The following HIRA variants were observed in gnomAD, a reference collection of about 807,000 sequenced individuals.
The protein encoded by HIRA is protein HIRA.
In HIRA, 13 loss-of-function variants were observed where a neutral mutation model predicts 126.6. The ratio of observed to expected loss-of-function variants is 0.10; its 90% confidence interval spans 0.07 to 0.16. HIRA has a LOEUF of 0.16. Ranked by LOEUF, HIRA falls within the 10% of genes least tolerant of loss-of-function variation. HIRA has a pLI of 1.00. For missense variants in HIRA, 834 were observed against 1,314.4 expected (o/e 0.63, Z 5.65); for synonymous variants, 511 against 520.0 (o/e 0.98, Z 0.24).
chr22:19,410,736 T>G lies in HIRA; in HGVS notation c.80A>C (p.Lys27Thr). ...FSVDIHPDGT[K>T]FATGGQGQDS... ...CATACCTTGTCCTCCAGTTGCGAAC[T>G]TGGTCCCGTCAGGGTGAATATCAAC... The change falls in exon 2 of 25, where the codon AAG (lysine) becomes ACG (threonine). Residue 27 changes from lysine to threonine, a missense_variant. Around this residue, in one of 5 missense-constraint regions of HIRA, gnomAD observed 102 missense variants for 191.4 expected, o/e 0.53. Transcript: ENST00000263208. 6.2e-7 allele frequency: 1 copy of G among 1,614,036 alleles called. No individual in the cohort carries two copies. Among genetic ancestry groups the G allele is most frequent in the Non-Finnish European group, 8.5e-7 (1 of 1,179,942 alleles).
At chr22:19,396,722 CACAG>C in intron 7 of HIRA, 61 bp downstream of exon 7, 1 of 1,560,210 alleles carries the variant, frequency 6.4e-7, no homozygotes, top group Non-Finnish European at 8.8e-7. Context: ...CCTCTCTGTA[CACAG>C]AAGTCAGGAA....
At chr22:19,394,594 A>G in intron 7 of HIRA, 85 bp from the exon 8 acceptor site, 1 of 1,355,362 alleles carries the variant, frequency 7.4e-7, no homozygotes, top group South Asian at 1.3e-5. Context: ...TTAAACTTCA[A>G]TTTATAAATG....
intron 13 of HIRA, among the ~76,000 whole-genome samples, chr22:19,380,840 T>C (rs2089066479): frequency 6.6e-6 from 1 of 152,204 alleles, no homozygotes; most frequent in East Asian, 1.9e-4. Flanking sequence ...GCCAGGCTGG[T>C]CTCAAACTCG....
chr22:19,427,817 G>A (rs1351808553), intron 1 of HIRA, among the ~76,000 whole-genome samples: 1 of 152,180 alleles, frequency 6.6e-6, no homozygotes, highest in Non-Finnish European at 1.5e-5. Flanking sequence ...ATCTCAACGA[G>A]ATTTTCTAAA....
rs147510996 is a variant in HIRA at position 19,378,655 on chromosome 22, A to G, written c.1416-589T>C. 5.7e-4 allele frequency among the ~76,000 whole-genome samples: 87 copies of G among 152,360 alleles called. 2 individuals are homozygous for G. The East Asian group carries it at 0.016, about 27-fold the overall frequency. On this transcript the variant is annotated intron_variant, in intron 13 of 24. Coordinates refer to ENST00000263208, the MANE Select transcript of HIRA (RefSeq NM_003325.4). Reference sequence around the variant, plus strand: ...GCCTCCAGTCATGTCTGCAAAATACAAAGTGCCAGGACTCTCCCCATGGGG... The same window carrying G: ...GCCTCCAGTCATGTCTGCAAAATACGAAGTGCCAGGACTCTCCCCATGGGG...
At chr22:19,369,119 G>C (rs562788735) in intron 15 of HIRA, among the ~76,000 whole-genome samples, 21 of 150,014 alleles carry the variant, frequency 1.4e-4, no homozygotes, top group African/African-American at 5.1e-4. Flanking sequence ...CTTACAAATG[G>C]GCTCCATCCT....
chr22:19,389,467 G>A (rs1055240863), intron 9 of HIRA, among the ~76,000 whole-genome samples: 1 of 152,152 alleles, frequency 6.6e-6, no homozygotes, highest in Non-Finnish European at 1.5e-5. Flanking sequence ...GCAGCTTCTG[G>A]GAGGCTGTGG....
chr22:19,420,462 C>CAAAAAAA (rs760003741), intron 1 of HIRA, among the ~76,000 whole-genome samples: 45 of 63,504 alleles, frequency 7.1e-4, no homozygotes, highest in Middle Eastern at 8.1e-3. Context: ...AAAACTGTCT[C>CAAAAAAA]AAAAAAAAAA....
intron 15 of HIRA, among the ~76,000 whole-genome samples, chr22:19,374,916 G>A (rs956446371): frequency 6.6e-6 from 1 of 152,174 alleles, no homozygotes; most frequent in Non-Finnish European, 1.5e-5. Flanking sequence ...TCCTCTCCTA[G>A]GCTCTGACTC....
chr22:19,425,259 C>T (rs1414673893), intron 1 of HIRA, among the ~76,000 whole-genome samples: 1 of 152,268 alleles, frequency 6.6e-6, no homozygotes, highest in Admixed American at 6.5e-5. Flanking sequence ...CACAATCCCA[C>T]TCACTTCTAG....
At chr22:19,389,995 G>GA (rs66853562) in intron 9 of HIRA, among the ~76,000 whole-genome samples, 29,895 of 142,248 alleles carry the variant, frequency 0.21, 3,527 homozygotes, top group Non-Finnish European at 0.27. Flanking sequence ...TTTACAAAAT[G>GA]AAAAAAAAAA....
chr22:19,413,712 C>T (rs532237522), intron 1 of HIRA, among the ~76,000 whole-genome samples: 5 of 152,100 alleles, frequency 3.3e-5, no homozygotes, highest in East Asian at 3.9e-4. Flanking sequence ...CCCAGGTTCA[C>T]GCCATTCTCC....
intron 13 of HIRA, among the ~76,000 whole-genome samples, chr22:19,379,546 A>G (rs1173196739): frequency 1.3e-5 from 2 of 150,238 alleles, no homozygotes; most frequent in African/African-American, 4.9e-5. Context: ...AATCTCTTGA[A>G]CCAGGGAGGC....
intron 9 of HIRA, among the ~76,000 whole-genome samples, chr22:19,390,984 C>T (rs1450521368): frequency 6.6e-6 from 1 of 151,334 alleles, no homozygotes; most frequent in Non-Finnish European, 1.5e-5. Context: ...TTTTAGAACT[C>T]TACTCATAGG....
intron 24 of HIRA, among the ~76,000 whole-genome samples, chr22:19,349,609 AT>A (rs370711402): frequency 6.6e-6 from 1 of 152,190 alleles, no homozygotes; most frequent in Non-Finnish European, 1.5e-5. Flanking sequence ...TTTACAATAG[AT>A]TTTTTTAGCA....
At chr22:19,394,806 T>C (rs753375810) in intron 7 of HIRA, among the ~76,000 whole-genome samples, 2 of 152,212 alleles carry the variant, frequency 1.3e-5, no homozygotes, top group Non-Finnish European at 2.9e-5. Context: ...GTTTGAACCA[T>C]AGCCTCTGCA....
rs115241676 is a variant in HIRA, at chr22:19,385,450, C to T, written c.1329+71G>A. ...TAAACAAACCCCTTCCTTACCACCA[C>T]TGGTGTCTGCCCCTCACCCTGTCCC... On this transcript the variant is annotated intron_variant, in intron 12 of 24. Transcript: ENST00000263208. 6.8e-4 allele frequency: 977 copies of T among 1,436,348 alleles called. 5 individuals carry two copies. The African/African-American group carries it at 0.013, about 19-fold the overall frequency. 89.0% of individuals were successfully genotyped at this position (1,436,348 alleles called of 1,614,324 possible). A position where few individuals can be genotyped will look rare whatever the true frequency, so the allele number is the denominator to read the frequency against.
intron 15 of HIRA, among the ~76,000 whole-genome samples, chr22:19,365,180 A>G (rs1027738405): frequency 3.3e-5 from 5 of 152,266 alleles, no homozygotes; most frequent in African/African-American, 4.8e-5. Flanking sequence ...CTGCCTCTAT[A>G]ACATAAAACG....
At chr22:19,374,621 G>C (rs1021723178) in intron 15 of HIRA, among the ~76,000 whole-genome samples, 2 of 152,138 alleles carry the variant, frequency 1.3e-5, no homozygotes, top group African/African-American at 4.8e-5. Flanking sequence ...ATGCAGTTCT[G>C]GACAGGGCTT....
Sources: allele counts gnomAD v4.1 joint callset (sites outside exome capture counted in the v4.1 genomes callset), GRCh38; gene constraint gnomAD v4.1.1; regional missense constraint gnomAD v4.1.1; transcripts MANE v1.5; gene names NCBI Gene and HGNC (gene_info 2026-07-23, HGNC 2026-07-21).